The following PIGN variants were observed in gnomAD, a reference collection of about 807,000 sequenced individuals.
PIGN encodes GPI ethanolamine phosphate transferase 1.
Under a neutral mutation model 125.4 loss-of-function variants are expected in PIGN, and 117 were observed. The observed-to-expected ratio is 0.93, with a 90% CI of 0.80 to 1.09. PIGN has a LOEUF of 1.09. Ranked by LOEUF, PIGN falls within the 50% of genes least tolerant of loss-of-function variation. The pLI is 0.00. For missense variants in PIGN, 1,075 were observed against 1,094.9 expected (o/e 0.98, Z 0.26); for synonymous variants, 392 against 377.8 (o/e 1.04, Z -0.44).
At chr18:62,058,133 T>C (rs1013499752) in intron 30 of PIGN, among the ~76,000 whole-genome samples, 1 of 152,270 alleles carries the variant, frequency 6.6e-6, no homozygotes, top group Non-Finnish European at 1.5e-5. Flanking sequence ...GTAAAACAGA[T>C]GGGCCCTGGC....
intron 22 of PIGN, among the ~76,000 whole-genome samples, chr18:62,099,602 G>A (rs1322566897): frequency 1.3e-5 from 2 of 152,076 alleles, no homozygotes; most frequent in Non-Finnish European, 2.9e-5. Context: ...GCATGGTACT[G>A]GCATAGAAAC....
intron 30 of PIGN, among the ~76,000 whole-genome samples, chr18:62,063,016 T>C (rs536262773): frequency 6.7e-6 from 1 of 150,352 alleles, no homozygotes; most frequent in South Asian, 2.1e-4. Context: ...AGGAACATCA[T>C]GATAGACGTT....
chr18:62,138,036 C>T lies in PIGN; in HGVS notation c.1172+207G>A, dbSNP rs2147130408. 6.5e-6 allele frequency: 4 copies of T among 617,866 alleles called. No homozygotes were observed. In the South Asian group the frequency reaches 7.0e-5, roughly 11 times the overall value. 38.3% of individuals were successfully genotyped at this position (617,866 alleles called of 1,614,324 possible). ...TTTCTCATGTATCTCTCCATTCCCTCATCCCTCTTCCAGCCATTCAAAGTT... is the reference window on the plus strand; with the variant it reads ...TTTCTCATGTATCTCTCCATTCCCTTATCCCTCTTCCAGCCATTCAAAGTT... On this transcript the variant is annotated intron_variant, in intron 14 of 30. Coordinates refer to ENST00000640252, the MANE Select transcript of PIGN (RefSeq NM_176787.5).
intron 1 of PIGN, chr18:62,184,465 T>A (rs559283306): frequency 1.1e-4 from 16 of 152,332 alleles, no homozygotes; most frequent in South Asian, 2.1e-4. Context: ...GTGTTACTTA[T>A]ACATTATTCA....
chr18:62,081,837 G>C (rs987600846), intron 28 of PIGN, among the ~76,000 whole-genome samples: 57 of 151,904 alleles, frequency 3.8e-4, no homozygotes, highest in African/African-American at 1.4e-3. Flanking sequence ...CTAGAAATGA[G>C]ATTTCTAGTA....
intron 14 of PIGN, 43 bp from the exon 15 acceptor site, chr18:62,114,682 C>A (rs777068448): frequency 3.3e-6 from 3 of 908,218 alleles, no homozygotes; most frequent in East Asian, 2.9e-5. Flanking sequence ...TTTCCTCATT[C>A]CAAGTATATG....
intron 30 of PIGN, among the ~76,000 whole-genome samples, chr18:62,071,860 TTCCATA>T (rs2032869029): frequency 9.5e-6 from 1 of 105,462 alleles, no homozygotes; most frequent in Non-Finnish European, 1.8e-5. Context: ...TGTACTCCTT[TTCCATA>T]TATATATATA....
At chr18:62,155,039 T>C (rs1274392354) in intron 6 of PIGN, among the ~76,000 whole-genome samples, 1 of 152,154 alleles carries the variant, frequency 6.6e-6, no homozygotes, top group African/African-American at 2.4e-5. Flanking sequence ...CAATCTAAAA[T>C]AGATGATGTG....
At chr18:62,138,022 T>C in intron 14 of PIGN, 1 of 541,434 alleles carries the variant, frequency 1.8e-6, no homozygotes, top group Non-Finnish European at 3.1e-6. Context: ...TTCTCATGTA[T>C]CTCTCCATTC....
At chr18:62,026,917 G>A (rs1426368492) in intron 23 of PIGN, among the ~76,000 whole-genome samples, 1 of 152,156 alleles carries the variant, frequency 6.6e-6, no homozygotes, top group East Asian at 1.9e-4. Flanking sequence ...GAGGCTGACG[G>A]GGGGCCAAGG....
At chr18:62,081,093 A>G (rs989646663) in intron 28 of PIGN, among the ~76,000 whole-genome samples, 1 of 152,188 alleles carries the variant, frequency 6.6e-6, no homozygotes, top group Admixed American at 6.5e-5. Context: ...GAGAAGCAGA[A>G]TCATTTCACT....
At chr18:62,146,333 G>A (rs1282343730) in intron 9 of PIGN, among the ~76,000 whole-genome samples, 1 of 152,210 alleles carries the variant, frequency 6.6e-6, no homozygotes, top group African/African-American at 2.4e-5. Context: ...TGCCAGAGCA[G>A]CACTGCAGAC....
At chr18:62,159,086 G>C (rs28551140) in intron 4 of PIGN, among the ~76,000 whole-genome samples, 1 of 151,984 alleles carries the variant, frequency 6.6e-6, no homozygotes, top group Non-Finnish European at 1.5e-5. Flanking sequence ...TCTACCAAAG[G>C]TACAAAAATT....
Position 62,044,496 on chromosome 18 carries a change from T to C in PIGN, c.*1360A>G, listed in dbSNP as rs1346635222. ...CTGATGCATGAGATTTCATAAAACA[T>C]TAATACCTCTTTTTTATACTACAGT... On this transcript the variant is annotated 3_prime_UTR_variant, in exon 31 of 31. Transcript: ENST00000640252. The C allele has an allele frequency of 6.6e-6, 1 of 152,232 alleles. No individual in the cohort carries two copies. The highest frequency in any genetic ancestry group is 1.5e-5 in the Non-Finnish European group (1 of 68,042). The allele number at this position is 152,232 out of a possible 1,614,324, so 9.4% of individuals were successfully genotyped here.
At chr18:62,071,863 C>CATATATATATATATATATGTATATAT (rs2032872237) in intron 30 of PIGN, among the ~76,000 whole-genome samples, 2 of 77,606 alleles carry the variant, frequency 2.6e-5, no homozygotes, top group African/African-American at 9.1e-5. Context: ...ACTCCTTTTC[C>CATATATATATATATATATGTATATAT]ATATATATAT....
At chr18:62,140,387 A>G (rs1333985353) in intron 12 of PIGN, 33 bp downstream of exon 12, 2 of 960,010 alleles carry the variant, frequency 2.1e-6, no homozygotes, top group Admixed American at 4.8e-5. Context: ...TTTTTTTTAT[A>G]CTGAGAGTTG....
chr18:62,129,128 C>G (rs182984621), intron 14 of PIGN, among the ~76,000 whole-genome samples: 1 of 152,090 alleles, frequency 6.6e-6, no homozygotes, highest in East Asian at 1.9e-4. Context: ...CACCAGCTCC[C>G]GAGAGCAGAT....
chr18:62,183,116 TG>T (rs1411988052), intron 1 of PIGN, among the ~76,000 whole-genome samples: 2 of 152,206 alleles, frequency 1.3e-5, no homozygotes, highest in Non-Finnish European at 2.9e-5. Context: ...ATCACAAAAA[TG>T]ATAACTATGT....
At chr18:62,161,761 AAATAT>A (rs1162164616) in intron 3 of PIGN, among the ~76,000 whole-genome samples, 2 of 152,228 alleles carry the variant, frequency 1.3e-5, no homozygotes, top group African/African-American at 2.4e-5. Context: ...TACAAAAAGA[AAATAT>A]AAGTCGTGCA....
Sources: gnomAD v4.1 joint callset for allele counts (sites outside exome capture counted in the v4.1 genomes callset) on GRCh38, gnomAD v4.1.1 for gene constraint, MANE v1.5 for transcripts, NCBI Gene and HGNC (gene_info 2026-07-23, HGNC 2026-07-21) for gene names.